FHIT: variants seen among roughly 807,000 people sequenced by gnomAD.
FHIT encodes the protein fragile histidine triad diadenosine triphosphatase.
In FHIT, 19 loss-of-function variants were observed where a neutral mutation model predicts 17.9. The observed-to-expected ratio is 1.06, with a 90% CI of 0.74 to 1.56. The LOEUF is 1.56. Among genes scored for constraint, FHIT ranks in the 40% most tolerant of loss-of-function variants. The probability of loss-of-function intolerance (pLI) is 0.00; values close to 1 mark genes in which losing one functional copy is unlikely to be tolerated. For missense variants in FHIT, 248 were observed against 189.2 expected, an observed-to-expected ratio of 1.31 and a Z score of -1.82; for synonymous variants, 81 against 69.7, an observed-to-expected ratio of 1.16 and a Z score of -0.81.
chr3:60,267,949 G>A (rs1311643899), intron 5 of FHIT, among the ~76,000 whole-genome samples: 1 of 152,138 alleles, frequency 6.6e-6, no homozygotes, highest in Non-Finnish European at 1.5e-5. Flanking sequence ...TAAATATTCT[G>A]ATTCACTGCT....
rs150578669 is a variant in FHIT at position 60,270,880 on chromosome 3, C to T, written c.104-256728G>A. On this transcript the variant is annotated intron_variant, in intron 5 of 9. Transcript: ENST00000492590. ...ATATCTGCTGTTAAAACACAGTGCACAGCAGACTGACAATGATCTTCTTGC... is the reference window on the plus strand; with the variant it reads ...ATATCTGCTGTTAAAACACAGTGCATAGCAGACTGACAATGATCTTCTTGC... Among the ~76,000 whole-genome samples the T allele has an allele frequency of 1.6e-3, 246 of 152,298 alleles. 4 individuals are homozygous for T. Among genetic ancestry groups the T allele is most frequent in the East Asian group, 3.9e-4 (2 of 5,178 alleles).
chr3:61,188,174 T>C (rs1243771367), intron 2 of FHIT, among the ~76,000 whole-genome samples: 3 of 152,008 alleles, frequency 2.0e-5, no homozygotes, highest in East Asian at 1.9e-4. Flanking sequence ...ACAAAATTGA[T>C]AGACCGCTAG....
At chr3:59,842,543 A>G (rs569894214) in intron 8 of FHIT, among the ~76,000 whole-genome samples, 1 of 151,384 alleles carries the variant, frequency 6.6e-6, no homozygotes, top group South Asian at 2.1e-4. Flanking sequence ...AACAGTGCAC[A>G]TGAGTTCCAA....
intron 3 of FHIT, among the ~76,000 whole-genome samples, chr3:60,860,793 AT>A (rs369433169): frequency 0.95 from 34,048 of 35,748 alleles, 16,687 homozygotes; most frequent in Middle Eastern, 1. Flanking sequence ...GGTATATATG[AT>A]ACATATGTAC....
intron 3 of FHIT, among the ~76,000 whole-genome samples, chr3:60,835,351 C>A (rs781923347): frequency 8.5e-5 from 13 of 152,132 alleles, no homozygotes; most frequent in Non-Finnish European, 1.6e-4. Context: ...ACTTTCAAAT[C>A]ATGAACACAA....
intron 4 of FHIT, among the ~76,000 whole-genome samples, chr3:60,541,616 T>C (rs2036189151): frequency 6.6e-6 from 1 of 152,234 alleles, no homozygotes; most frequent in Non-Finnish European, 1.5e-5. Context: ...AAGGACATCC[T>C]TCAGAGTAAT....
rs112749600 is a variant in FHIT, at chr3:60,827,020, TA to T, written c.-110-5010del. 3.8e-3 allele frequency among the ~76,000 whole-genome samples: 568 copies of T among 149,044 alleles called. 6 individuals carry two copies. The highest frequency in any genetic ancestry group is 0.013 in the African/African-American group (525 of 40,728). On this transcript the variant is annotated intron_variant, in intron 3 of 9. Coordinates refer to ENST00000492590, the MANE Select transcript of FHIT (RefSeq NM_002012.4). ...CCCCCCACAAAAAGAAAACTTTGCT[TA>T]AAAAAAAAAGAGTTTGCTTTAGGAT...
intron 4 of FHIT, among the ~76,000 whole-genome samples, chr3:60,789,649 T>G (rs9311781): frequency 0.1 from 15,630 of 152,202 alleles, 1,091 homozygotes; most frequent in African/African-American, 0.19. Flanking sequence ...ATCTAAGTTC[T>G]TTGGAGACAG....
At chr3:60,032,113 G>T (rs1220754385) in intron 5 of FHIT, among the ~76,000 whole-genome samples, 1 of 152,114 alleles carries the variant, frequency 6.6e-6, no homozygotes, top group Non-Finnish European at 1.5e-5. Context: ...ATAAAGAAAT[G>T]CATAATTCAC....
At chr3:61,138,654 G>A (rs79355808) in intron 2 of FHIT, among the ~76,000 whole-genome samples, 1 of 152,308 alleles carries the variant, frequency 6.6e-6, no homozygotes, top group African/African-American at 2.4e-5. Flanking sequence ...GGGCCCCGTG[G>A]CTTGAAGTTG....
chr3:61,187,986 T>C (rs1446811236), intron 2 of FHIT, among the ~76,000 whole-genome samples: 4 of 151,998 alleles, frequency 2.6e-5, no homozygotes, highest in Admixed American at 2.0e-4. Flanking sequence ...GCAGAAAAGA[T>C]CTAAAATTGA....
chr3:59,887,572 G>A (rs1422623918), intron 8 of FHIT, among the ~76,000 whole-genome samples: 1 of 152,152 alleles, frequency 6.6e-6, no homozygotes, highest in Admixed American at 6.5e-5. Flanking sequence ...AAAACTTGAA[G>A]CTCCAGATTG....
At chr3:60,852,096 G>A (rs532978506) in intron 3 of FHIT, among the ~76,000 whole-genome samples, 2 of 152,162 alleles carry the variant, frequency 1.3e-5, no homozygotes, top group East Asian at 3.9e-4. Flanking sequence ...TAATGTGTGT[G>A]GACTTCATCC....
At chr3:60,050,207 A>C (rs1452228934) in intron 5 of FHIT, among the ~76,000 whole-genome samples, 2 of 152,186 alleles carry the variant, frequency 1.3e-5, no homozygotes, top group Non-Finnish European at 2.9e-5. Context: ...TTTTTCAGCT[A>C]TTATACGTAT....
At chr3:59,944,698 T>A (rs1706708095) in intron 7 of FHIT, among the ~76,000 whole-genome samples, 2 of 152,096 alleles carry the variant, frequency 1.3e-5, no homozygotes, top group African/African-American at 4.8e-5. Flanking sequence ...CTCAAATATG[T>A]CCTGGTGTCT....
In FHIT at chr3:61,204,965, C is replaced by T. The variant is rs566819923; in HGVS notation, c.-212-4300G>A. 6.9e-5 allele frequency among the ~76,000 whole-genome samples: 10 copies of T among 145,208 alleles called. No individual in the cohort carries two copies. The South Asian group carries it at 1.2e-3, about 17-fold the overall frequency. On this transcript the variant is annotated intron_variant, in intron 1 of 9. Coordinates refer to ENST00000492590, the MANE Select transcript of FHIT (RefSeq NM_002012.4). ...CATTAGGTATATCTCCTAATGCCAT[C>T]CCACCCACCCCCCGCCCCACAACAA...
chr3:60,856,822 T>C (rs539995674), intron 3 of FHIT, among the ~76,000 whole-genome samples: 2 of 152,134 alleles, frequency 1.3e-5, no homozygotes, highest in South Asian at 2.1e-4. Flanking sequence ...GTGGACCCTA[T>C]TGTACTCTCT....
At chr3:60,116,400 C>T (rs1373364598) in intron 5 of FHIT, among the ~76,000 whole-genome samples, 2 of 152,136 alleles carry the variant, frequency 1.3e-5, no homozygotes, top group Non-Finnish European at 2.9e-5. Context: ...CATTTGAACT[C>T]GATCCTCAGC....
At chr3:60,149,775 GCCCCTACC>G (rs925917714) in intron 5 of FHIT, among the ~76,000 whole-genome samples, 11 of 133,826 alleles carry the variant, frequency 8.2e-5, no homozygotes, top group East Asian at 4.8e-4. Context: ...ACTCCCCTAT[GCCCCTACC>G]CCCCTACCCC....
Sources: allele counts gnomAD v4.1 joint callset (sites outside exome capture counted in the v4.1 genomes callset), GRCh38; gene constraint gnomAD v4.1.1; transcripts MANE v1.5; gene names NCBI Gene and HGNC (gene_info 2026-07-23, HGNC 2026-07-21).